The following NR2C2 variants were observed in gnomAD, a reference collection of about 807,000 sequenced individuals.
The protein encoded by NR2C2 is nuclear receptor subfamily 2 group C member 2.
In NR2C2, 6 loss-of-function variants were observed where a neutral mutation model predicts 62.9. The observed-to-expected ratio is 0.10, with a 90% CI of 0.05 to 0.19. NR2C2 has a LOEUF of 0.19. Ranked by LOEUF, NR2C2 falls within the 10% of genes least tolerant of loss-of-function variation. NR2C2 has a pLI of 1.00. For missense variants in NR2C2, 479 were observed against 762.7 expected, an observed-to-expected ratio of 0.63 and a Z score of 4.38; for synonymous variants, 272 against 273.8, an observed-to-expected ratio of 0.99 and a Z score of 0.07.
intron 11 of NR2C2, 97 bp downstream of exon 11, chr3:15,034,906 C>T: frequency 3.9e-6 from 5 of 1,297,552 alleles, no homozygotes; most frequent in Non-Finnish European, 5.2e-6. Flanking sequence ...ATGTCAAAGA[C>T]ACCTTTGTTG....
chr3:14,982,954 A>T (rs1043553071), intron 1 of NR2C2, among the ~76,000 whole-genome samples: 2 of 152,228 alleles, frequency 1.3e-5, no homozygotes, highest in Non-Finnish European at 2.9e-5. Flanking sequence ...TGCTATTTTT[A>T]AAAATTTTTT....
At position 15,013,716 on chromosome 3, in the gene NR2C2, C is replaced by G. The variant is rs1302643208; in HGVS notation, c.200C>G (p.Ala67Gly). 1 of 1,614,098 alleles carries G rather than the reference C, an allele frequency of 6.2e-7. No individual in the cohort carries two copies. The highest frequency in any genetic ancestry group is 1.3e-5 in the African/African-American group (1 of 74,936). The change falls in exon 3 of 14, where the codon GCT becomes GGT. Residue 67 changes from alanine to glycine, a missense_variant. Ala to Gly is a moderately conservative substitution (Grantham distance 60, BLOSUM62 0). This residue lies in a region of NR2C2 where 115 missense variants were observed against 152.3 expected (regional missense o/e 0.76). Coordinates refer to ENST00000425241, the MANE Select transcript of NR2C2 (RefSeq NM_001291694.2). Reference protein sequence around the residue: ...DGAGTGKVILASPETSSAKQL... With the variant: ...DGAGTGKVILGSPETSSAKQL... ...GCTGGAACTGGGAAGGTGATCCTGG[C>G]TTCCCCAGAGACATCCAGCGCCAAG...
intron 1 of NR2C2, among the ~76,000 whole-genome samples, chr3:14,975,934 TTTTTA>T (rs1404409680): frequency 1.3e-5 from 2 of 152,172 alleles, no homozygotes; most frequent in African/African-American, 4.8e-5. Flanking sequence ...AAAAATATAA[TTTTTA>T]TTTTATTTTA....
Position 15,039,174 on chromosome 3 carries a change from A to T in NR2C2, c.1563A>T (p.Ala521=). The part of the protein sequence containing the change: ...TSQIEKFQEK[A]QMELQDYVQK... ...AGATTGAAAAATTCCAAGAAAAGGC[A>T]CAGATGGAGTTGCAGGACTATGTTC... Residue 521 remains alanine (A), a synonymous_variant, in exon 13 of 14, where the codon GCA becomes GCT. Coordinates refer to ENST00000425241, the MANE Select transcript of NR2C2 (RefSeq NM_001291694.2). The T allele has an allele frequency of 6.2e-7, 1 of 1,614,154 alleles. No homozygotes were observed. The highest frequency in any genetic ancestry group is 2.2e-5 in the East Asian group (1 of 44,884).
Position 14,947,912 on chromosome 3 carries a change from A to T in NR2C2, c.-40+6A>T, listed in dbSNP as rs2039170455. ...CTTTGGCGCCAAATCCTGAGGTAAA[A>T]TTGAAAGAGGGTCGGGCGGGCTCGG... On this transcript the variant is annotated splice_donor_region_variant and intron_variant, in intron 1 of 13. Transcript: ENST00000425241. The T allele has an allele frequency of 6.7e-6, 1 of 148,982 alleles. No homozygotes were observed. Among genetic ancestry groups the T allele is most frequent in the Non-Finnish European group, 1.5e-5 (1 of 67,022 alleles). The allele number at this position is 148,982 out of a possible 1,614,324, so 9.2% of individuals were successfully genotyped here. A position where few individuals can be genotyped will look rare whatever the true frequency, so the allele number is the denominator to read the frequency against.
chr3:14,987,176 G>C (rs1322834591), intron 1 of NR2C2, among the ~76,000 whole-genome samples: 1 of 152,114 alleles, frequency 6.6e-6, no homozygotes, highest in Admixed American at 6.5e-5. Context: ...TCAATCTCCT[G>C]GGCTCAAGCA....
chr3:15,005,784 A>AT (rs1450289142), intron 2 of NR2C2, among the ~76,000 whole-genome samples: 8 of 151,164 alleles, frequency 5.3e-5, no homozygotes, highest in Admixed American at 6.6e-5. Context: ...ATTTTTTCCC[A>AT]TTTTTTTCCT....
intron 1 of NR2C2, among the ~76,000 whole-genome samples, chr3:14,963,460 CATTTTTT>C (rs370244224): frequency 0.017 from 2,572 of 152,170 alleles, 67 homozygotes; most frequent in African/African-American, 0.054. Context: ...TTGAGATTCG[CATTTTTT>C]ATTTTTTATT....
chr3:15,041,960 C>T (rs570496934), intron 13 of NR2C2, among the ~76,000 whole-genome samples: 7 of 152,326 alleles, frequency 4.6e-5, no homozygotes, highest in Middle Eastern at 6.8e-3. Flanking sequence ...TCATAAAATA[C>T]CAAAGGTTTT....
chr3:15,007,671 G>T (rs936092266), intron 2 of NR2C2, among the ~76,000 whole-genome samples: 2 of 152,170 alleles, frequency 1.3e-5, no homozygotes, highest in African/African-American at 4.8e-5. Flanking sequence ...ATGAATGAAA[G>T]AATGAGTAAG....
At chr3:14,977,794 G>A (rs867189507) in intron 1 of NR2C2, among the ~76,000 whole-genome samples, 49 of 151,870 alleles carry the variant, frequency 3.2e-4, no homozygotes, top group African/African-American at 1.2e-3. Flanking sequence ...GCGAAACCCC[G>A]TCTCTACTAA....
chr3:14,988,043 A>G lies in NR2C2; in HGVS notation c.-39-15833A>G, dbSNP rs1185566615. 3.9e-5 allele frequency among the ~76,000 whole-genome samples: 6 copies of G among 152,368 alleles called. No homozygotes were observed. The East Asian group carries it at 1.2e-3, about 29-fold the overall frequency. On this transcript the variant is annotated intron_variant, in intron 1 of 13. Coordinates refer to ENST00000425241, the MANE Select transcript of NR2C2 (RefSeq NM_001291694.2). ...TTTTGATCTTTCTGTATTATAAATTAATAGTATATTCATGTGAGGATGAAA... is the reference window on the plus strand; with the variant it reads ...TTTTGATCTTTCTGTATTATAAATTGATAGTATATTCATGTGAGGATGAAA...
intron 1 of NR2C2, among the ~76,000 whole-genome samples, chr3:14,953,622 G>A (rs62241822): frequency 0.072 from 10,895 of 152,196 alleles, 432 homozygotes; most frequent in Middle Eastern, 0.099. Context: ...ATGGCCAGGC[G>A]TGGTGGCTCA....
intron 2 of NR2C2, among the ~76,000 whole-genome samples, chr3:15,010,872 G>GACATGC (rs898250920): frequency 2.0e-5 from 3 of 152,132 alleles, no homozygotes; most frequent in Admixed American, 6.6e-5. Context: ...TACAAGAAAT[G>GACATGC]ACATGCTGGT....
At chr3:14,958,693 A>G (rs772791263) in intron 1 of NR2C2, among the ~76,000 whole-genome samples, 1 of 152,138 alleles carries the variant, frequency 6.6e-6, no homozygotes, top group Non-Finnish European at 1.5e-5. Flanking sequence ...GTTGTTCCAG[A>G]TTGGTTGGGT....
intron 2 of NR2C2, chr3:15,004,494 A>T: frequency 9.7e-6 from 14 of 1,442,552 alleles, no homozygotes; most frequent in Non-Finnish European, 1.1e-5. Context: ...ATTATATAAT[A>T]ACTTATTACT....
In NR2C2 at chr3:15,034,781, C is replaced by T; in HGVS notation, c.1344C>T (p.Val448=). The T allele has an allele frequency of 6.2e-7, 1 of 1,613,718 alleles. No individual in the cohort carries two copies. Among genetic ancestry groups the T allele is most frequent in the South Asian group, 1.1e-5 (1 of 90,940 alleles). ...MSLSTILAAI[V]NHLQNSIQED... is the part of the protein sequence containing the mutation. ...TCTCCACCATCCTGGCTGCCATTGT[C>T]AACCACCTGCAGAACAGCATCCAGG... Residue 448 remains valine (V), a synonymous_variant, in exon 11 of 14, where the codon GTC becomes GTT. Transcript: ENST00000425241.
In NR2C2 at chr3:14,968,544, A is replaced by G. The variant is rs567504667; in HGVS notation, c.-40+20638A>G. ...CCTTTTACACTGTTGGTGGGACTGTAAACTAGTTCAACCATTGTGGAAGAC... is the reference window on the plus strand; with the variant it reads ...CCTTTTACACTGTTGGTGGGACTGTGAACTAGTTCAACCATTGTGGAAGAC... On this transcript the variant is annotated intron_variant, in intron 1 of 13. Coordinates refer to ENST00000425241, the MANE Select transcript of NR2C2 (RefSeq NM_001291694.2). Among the ~76,000 whole-genome samples, 225 of 150,918 alleles carry G rather than the reference A, an allele frequency of 1.5e-3. 5 individuals are homozygous for G. The East Asian group carries it at 0.038, about 26-fold the overall frequency.
chr3:15,002,627 T>A (rs903615329), intron 1 of NR2C2, among the ~76,000 whole-genome samples: 12 of 149,010 alleles, frequency 8.1e-5, no homozygotes, highest in Non-Finnish European at 1.6e-4. Flanking sequence ...GAGTTTTTTG[T>A]GAAGTGTTCA....
Sources: gnomAD v4.1 joint callset for allele counts (sites outside exome capture counted in the v4.1 genomes callset) on GRCh38, gnomAD v4.1.1 for gene constraint, gnomAD v4.1.1 regional missense constraint, MANE v1.5 for transcripts, NCBI Gene and HGNC (gene_info 2026-07-23, HGNC 2026-07-21) for gene names.